The following GHRHR variants were observed in gnomAD, a reference collection of about 807,000 sequenced individuals.
GHRHR encodes growth hormone-releasing hormone receptor.
Under a neutral mutation model 58.3 loss-of-function variants are expected in GHRHR, and 40 were observed. The ratio of observed to expected loss-of-function variants is 0.69; its 90% CI spans 0.53 to 0.89. The LOEUF (loss-of-function observed/expected upper bound fraction) is 0.89, where lower values mean the gene tolerates loss of function less well. GHRHR is among the 40% of genes least tolerant of loss of function. GHRHR has a pLI of 0.00. For missense variants in GHRHR, 551 were observed against 541.3 expected (o/e 1.02, Z -0.18); for synonymous variants, 249 against 216.6 (o/e 1.15, Z -1.31).
Position 30,974,460 on chromosome 7 carries a change from G to A in GHRHR, c.783G>A (p.Val261=). 1 of 1,613,422 alleles carries A rather than the reference G, an allele frequency of 6.2e-7. No homozygotes were observed. Among genetic ancestry groups the A allele is most frequent in the Non-Finnish European group, 8.5e-7 (1 of 1,179,310 alleles). ...CCGTGCTCTTCACTGGCACGTGGGTGAGCTGCAAACTGGCCTTCGAGGACA... is the reference window on the plus strand; with the variant it reads ...CCGTGCTCTTCACTGGCACGTGGGTAAGCTGCAAACTGGCCTTCGAGGACA... The part of the protein sequence containing the change: ...GLPVLFTGTW[V]SCKLAFEDIA... The change falls in exon 8 of 13, where the codon GTG becomes GTA. Residue 261 remains valine (V), a synonymous_variant. Transcript: ENST00000326139.
At chr7:30,970,996 C>T (rs1792469189) in intron 4 of GHRHR, 123 bp from the exon 5 acceptor site, 6 of 703,798 alleles carry the variant, frequency 8.5e-6, no homozygotes, top group Admixed American at 4.0e-5. Context: ...TCGCGGACAC[C>T]TCTGCCTCCA....
intron 12 of GHRHR, 121 bp downstream of exon 12, chr7:30,977,443 A>G: frequency 1.2e-6 from 1 of 842,488 alleles, no homozygotes; most frequent in Non-Finnish European, 2.1e-6. Flanking sequence ...CACTCTTGTG[A>G]GCTTTTGTGG....
chr7:30,977,053 T>A (rs537126132), intron 11 of GHRHR, among the ~76,000 whole-genome samples: 1 of 152,304 alleles, frequency 6.6e-6, no homozygotes, highest in East Asian at 1.9e-4. Context: ...AGAAATAAAG[T>A]CAGAGAAATG....
intron 1 of GHRHR, among the ~76,000 whole-genome samples, chr7:30,964,838 T>C (rs529076685): frequency 6.6e-6 from 1 of 152,290 alleles, no homozygotes; most frequent in Admixed American, 6.5e-5. Flanking sequence ...CCAGTAACTT[T>C]CCAGGAGGTT....
chr7:30,973,946 G>GGTGTCC, intron 6 of GHRHR, 39 bp from the exon 7 acceptor site: 1 of 1,603,570 alleles, frequency 6.2e-7, no homozygotes, highest in Non-Finnish European at 8.5e-7. Flanking sequence ...GGCTCCAGTG[G>GGTGTCC]GTGTCCCAGC....
rs766553585 is a variant in GHRHR, at chr7:30,976,545, T to A, written c.1091T>A (p.Leu364Gln). 6.2e-7 allele frequency: 1 copy of A among 1,612,802 alleles called. No homozygotes were observed. Among genetic ancestry groups the A allele is most frequent in the African/African-American group, 1.3e-5 (1 of 75,038 alleles). Residue 364 changes from leucine to glutamine, a missense_variant, in exon 11 of 13, where the codon CTG (leucine) becomes CAG (glutamine). Coordinates refer to ENST00000326139, the MANE Select transcript of GHRHR (RefSeq NM_000823.4). The part of the protein sequence containing the change: ...LGIRLPLELG[L>Q]GSFQGFIVAI... ...ATCCGCCTCCCCCTGGAGCTGGGAC[T>A]GGGTTCCTTCCAGGTGAGGGCCCCC... is the stretch of plus-strand genomic sequence containing the variant.
chr7:30,964,763 T>C (rs1012775259), intron 1 of GHRHR, among the ~76,000 whole-genome samples: 2 of 152,152 alleles, frequency 1.3e-5, no homozygotes, highest in Admixed American at 6.5e-5. Context: ...TTGTACTCCA[T>C]GGGCTAGAGC....
In GHRHR at chr7:30,969,568, C is replaced by T. The variant is rs146177569; in HGVS notation, c.269-299C>T. 7.4e-4 allele frequency: 446 copies of T among 603,080 alleles called. 1 individual carries two copies. The African/African-American group carries it at 7.5e-3, about 10-fold the overall frequency. The allele number at this position is 603,080 out of a possible 1,614,324, so 37.4% of individuals were successfully genotyped here. ...GGCCTAGGTGCTGGGACAGTGAGGG[C>T]CTCTTTTCTCCCTACTGCCCTTAGG... On this transcript the variant is annotated intron_variant, in intron 3 of 12. Transcript: ENST00000326139.
At chr7:30,977,609 G>T (rs1327198450) in intron 12 of GHRHR, among the ~76,000 whole-genome samples, 1 of 152,196 alleles carries the variant, frequency 6.6e-6, no homozygotes, top group Non-Finnish European at 1.5e-5. Flanking sequence ...AGGGTAGGGA[G>T]TCAGAAGGAA....
At chr7:30,978,073 T>C (rs543366741) in intron 12 of GHRHR, among the ~76,000 whole-genome samples, 9 of 152,380 alleles carry the variant, frequency 5.9e-5, no homozygotes, top group African/African-American at 2.2e-4. Context: ...CTCCCTCTGC[T>C]GGCCATGGAT....
chr7:30,968,117 T>A (rs1308445090), intron 1 of GHRHR, among the ~76,000 whole-genome samples: 1 of 152,176 alleles, frequency 6.6e-6, no homozygotes, highest in Non-Finnish European at 1.5e-5. Flanking sequence ...TGCGATTACA[T>A]CAGGCCTACT....
In GHRHR at chr7:30,974,155, G is replaced by T. The variant is rs200575183; in HGVS notation, c.751+17G>T. 1 of 1,612,626 alleles carries T rather than the reference G, an allele frequency of 6.2e-7. No homozygotes were observed. ...CTGGCTGGGGTGAGCACTGAGGGCG[G>T]GTTGGGCACCATGGGGAGGTAAAGG... is the stretch of plus-strand genomic sequence containing the variant. On this transcript the variant is annotated intron_variant, in intron 7 of 12. Coordinates refer to ENST00000326139, the MANE Select transcript of GHRHR (RefSeq NM_000823.4).
At chr7:30,967,218 G>C (rs1055000670) in intron 1 of GHRHR, among the ~76,000 whole-genome samples, 14 of 152,282 alleles carry the variant, frequency 9.2e-5, no homozygotes, top group Non-Finnish European at 1.6e-4. Context: ...CGGTGGGAGG[G>C]AGAAGTGCTA....
intron 1 of GHRHR, among the ~76,000 whole-genome samples, chr7:30,965,284 C>G (rs1159468431): frequency 6.6e-6 from 1 of 152,148 alleles, no homozygotes; most frequent in African/African-American, 2.4e-5. Context: ...AGTACCAAAG[C>G]TAGAACTCAA....
At chr7:30,975,966 A>G (rs1792569151) in intron 10 of GHRHR, 98 bp downstream of exon 10, 4 of 766,868 alleles carry the variant, frequency 5.2e-6, no homozygotes, top group Non-Finnish European at 7.2e-6. Context: ...CCTCAGCCCC[A>G]TACTCTTTCT....
intron 6 of GHRHR, 89 bp downstream of exon 6, chr7:30,972,184 C>T: frequency 6.8e-7 from 1 of 1,460,108 alleles, no homozygotes; most frequent in South Asian, 1.2e-5. Context: ...GGCTTCCCTG[C>T]CCTGTGGGCT....
chr7:30,965,182 C>T (rs948490288), intron 1 of GHRHR, among the ~76,000 whole-genome samples: 1 of 152,168 alleles, frequency 6.6e-6, no homozygotes, highest in African/African-American at 2.4e-5. Flanking sequence ...CGACTGCCCC[C>T]CTGTCTGCCA....
intron 6 of GHRHR, 140 bp downstream of exon 6, chr7:30,972,235 A>T (rs1792495568): frequency 1.2e-6 from 1 of 841,062 alleles, no homozygotes; most frequent in Middle Eastern, 3.0e-4. Context: ...GAACAGGAAA[A>T]TGCTCCTTTC....
chr7:30,964,321 A>G (rs1792295743), intron 1 of GHRHR, among the ~76,000 whole-genome samples, 196 bp downstream of exon 1: 1 of 152,116 alleles, frequency 6.6e-6, no homozygotes, highest in Admixed American at 6.5e-5. Flanking sequence ...CTGCCCAGCA[A>G]TCTGTAGTGA....
Sources: allele counts gnomAD v4.1 joint callset (sites outside exome capture counted in the v4.1 genomes callset), GRCh38; gene constraint gnomAD v4.1.1; transcripts MANE v1.5; gene names NCBI Gene and HGNC (gene_info 2026-07-23, HGNC 2026-07-21).